INPP4B: variants seen among roughly 807,000 people sequenced by gnomAD.
INPP4B encodes the protein inositol polyphosphate 4-phosphatase type II.
INPP4B carries 55 observed loss-of-function variants against 122.5 expected under a neutral mutation model. The observed-to-expected ratio is 0.45, with a 90% CI of 0.36 to 0.56. INPP4B has a LOEUF of 0.56. Ranked by LOEUF, INPP4B falls within the 20% of genes least tolerant of loss-of-function variation. The pLI is 0.00. For missense variants in INPP4B, 1,000 were observed against 1,097.7 expected (o/e 0.91, Z 1.26); for synonymous variants, 403 against 388.7 (o/e 1.04, Z -0.43).
chr4:142,293,195 C>T (rs759097383), intron 9 of INPP4B, among the ~76,000 whole-genome samples: 8 of 152,056 alleles, frequency 5.3e-5, no homozygotes, highest in Admixed American at 1.3e-4. Context: ...CCTGCCACCA[C>T]GCCCGGCTGA....
chr4:142,510,190 A>G (rs1341034179), intron 2 of INPP4B, among the ~76,000 whole-genome samples: 2 of 152,184 alleles, frequency 1.3e-5, no homozygotes, highest in Non-Finnish European at 2.9e-5. Flanking sequence ...CCACTTTGCC[A>G]TTATCTGCTT....
At chr4:142,572,406 G>A (rs1425523) in intron 2 of INPP4B, among the ~76,000 whole-genome samples, 132,635 of 152,140 alleles carry the variant, frequency 0.87, 57,864 homozygotes, top group African/African-American at 0.9. Context: ...CTGGTGTAGT[G>A]GTCTCTTAAG....
chr4:142,246,822 T>G (rs1729125119), intron 11 of INPP4B, among the ~76,000 whole-genome samples: 1 of 152,160 alleles, frequency 6.6e-6, no homozygotes, highest in Non-Finnish European at 1.5e-5. Flanking sequence ...GGCCAGAAAT[T>G]CCATTACTAT....
At chr4:142,738,559 T>C (rs775094942) in intron 1 of INPP4B, among the ~76,000 whole-genome samples, 27 of 152,012 alleles carry the variant, frequency 1.8e-4, no homozygotes, top group Non-Finnish European at 3.2e-4. Context: ...TGTATACATA[T>C]GTAACAAACC....
intron 1 of INPP4B, among the ~76,000 whole-genome samples, chr4:142,780,679 A>G (rs1774659967): frequency 6.6e-6 from 1 of 152,046 alleles, no homozygotes; most frequent in Non-Finnish European, 1.5e-5. Context: ...GATACCTGTA[A>G]TCCCAGCTAC....
intron 3 of INPP4B, among the ~76,000 whole-genome samples, chr4:142,435,449 TAA>T (rs34703527): frequency 0.15 from 7,939 of 53,676 alleles, 289 homozygotes; most frequent in East Asian, 0.43. Flanking sequence ...CCCTTTAAGA[TAA>T]AAAAAAAAGT....
intron 1 of INPP4B, among the ~76,000 whole-genome samples, chr4:142,735,908 T>C (rs886376019): frequency 6.8e-6 from 1 of 146,678 alleles, no homozygotes; most frequent in African/African-American, 2.6e-5. Context: ...TTTACGTATA[T>C]CATTCTATAC....
At chr4:142,699,309 C>A (rs888240810) in intron 2 of INPP4B, among the ~76,000 whole-genome samples, 2 of 152,176 alleles carry the variant, frequency 1.3e-5, no homozygotes. Flanking sequence ...AATATACCTT[C>A]CCTCCTCATG....
chr4:142,380,539 A>G (rs1409498925), intron 7 of INPP4B, among the ~76,000 whole-genome samples: 1 of 152,154 alleles, frequency 6.6e-6, no homozygotes, highest in African/African-American at 2.4e-5. Context: ...TCTCAGGACA[A>G]TGTATTTTGT....
At chr4:142,711,282 A>G (rs1763084398) in intron 2 of INPP4B, among the ~76,000 whole-genome samples, 1 of 152,122 alleles carries the variant, frequency 6.6e-6, no homozygotes, top group South Asian at 2.1e-4. Flanking sequence ...CAGACCCACC[A>G]CAACGTACTC....
At chr4:142,420,926 AT>A (rs1403234453) in intron 5 of INPP4B, among the ~76,000 whole-genome samples, 67 of 152,304 alleles carry the variant, frequency 4.4e-4, no homozygotes, top group African/African-American at 1.6e-3. Flanking sequence ...TCAAGGAAGT[AT>A]TAATCATAAG....
chr4:142,412,336 CT>C (rs756831104), intron 5 of INPP4B, among the ~76,000 whole-genome samples: 1 of 151,940 alleles, frequency 6.6e-6, no homozygotes, highest in Admixed American at 6.6e-5. Flanking sequence ...TCTCCTTTGC[CT>C]TTTTTTGTTT....
At chr4:142,773,071 A>T (rs1404634432) in intron 1 of INPP4B, among the ~76,000 whole-genome samples, 1 of 152,140 alleles carries the variant, frequency 6.6e-6, no homozygotes, top group East Asian at 1.9e-4. Flanking sequence ...TAAAAAAATA[A>T]ATAAAGACAC....
At chr4:142,542,511 A>G (rs2150037462) in intron 2 of INPP4B, among the ~76,000 whole-genome samples, 1 of 152,316 alleles carries the variant, frequency 6.6e-6, no homozygotes, top group South Asian at 2.1e-4. Context: ...ATTTCTGCTA[A>G]TCTTTAAATA....
chr4:142,483,593 G>T (rs1262538278), intron 2 of INPP4B, among the ~76,000 whole-genome samples: 1 of 151,948 alleles, frequency 6.6e-6, no homozygotes, highest in South Asian at 2.1e-4. Flanking sequence ...AGATCAAACT[G>T]GGAGGCAGAG....
chr4:142,790,532 C>A (rs1374358889), intron 1 of INPP4B, among the ~76,000 whole-genome samples: 2 of 151,724 alleles, frequency 1.3e-5, no homozygotes, highest in East Asian at 3.9e-4. Flanking sequence ...CTTACTCCTG[C>A]AAAAATGGCC....
At chr4:142,281,398 A>G (rs142687682) in intron 9 of INPP4B, among the ~76,000 whole-genome samples, 1 of 151,850 alleles carries the variant, frequency 6.6e-6, no homozygotes, top group Admixed American at 6.6e-5. Context: ...TAAACATTAC[A>G]AAACCAATCA....
intron 2 of INPP4B, among the ~76,000 whole-genome samples, chr4:142,471,088 AATTCCATCTTACT>A (rs1292047498): frequency 1.3e-5 from 2 of 151,832 alleles, no homozygotes; most frequent in Admixed American, 6.5e-5. Flanking sequence ...CTCCGTGTAA[AATTCCATCTTACT>A]ATTCTTTAAC....
chr4:142,783,011 A>G (rs947981595), intron 1 of INPP4B, among the ~76,000 whole-genome samples: 1 of 151,852 alleles, frequency 6.6e-6, no homozygotes, highest in Non-Finnish European at 1.5e-5. Flanking sequence ...ACAAAAATTA[A>G]TTCAAGATGG....
Sources: allele counts gnomAD v4.1 joint callset (sites outside exome capture counted in the v4.1 genomes callset), GRCh38; gene constraint gnomAD v4.1.1; transcripts MANE v1.5; gene names NCBI Gene and HGNC (gene_info 2026-07-23, HGNC 2026-07-21).